ST7L: variants seen among roughly 807,000 people sequenced by gnomAD.
ST7L encodes suppression of tumorigenicity 7 like.
Under a neutral mutation model 72.5 loss-of-function variants are expected in ST7L, and 57 were observed. The ratio of observed to expected loss-of-function variants is 0.79; its 90% confidence interval spans 0.64 to 0.98. The LOEUF (loss-of-function observed/expected upper bound fraction) is 0.98, where lower values mean the gene tolerates loss of function less well. Among genes scored for constraint, ST7L ranks in the 50% least tolerant of loss-of-function variants. The probability of loss-of-function intolerance (pLI) is 0.00; values close to 1 mark genes in which losing one functional copy is unlikely to be tolerated. For synonymous variants in ST7L, 221 were observed against 240.9 expected (o/e 0.92, Z 0.77); for missense variants, 576 against 672.2 (o/e 0.86, Z 1.58).
chr1:112,582,243 A>G, intron 8 of ST7L, 132 bp downstream of exon 8: 1 of 876,254 alleles, frequency 1.1e-6, no homozygotes, highest in East Asian at 2.6e-5. Context: ...AGGTACGTAT[A>G]TTAAATAAAT....
chr1:112,536,066 T>C (rs1318976059), intron 14 of ST7L, among the ~76,000 whole-genome samples: 1 of 152,198 alleles, frequency 6.6e-6, no homozygotes, highest in Non-Finnish European at 1.5e-5. Flanking sequence ...TTATTATCTG[T>C]ATTATCTCTG....
chr1:112,597,189 A>G (rs1666612980), intron 5 of ST7L, among the ~76,000 whole-genome samples: 1 of 152,246 alleles, frequency 6.6e-6, no homozygotes, highest in Non-Finnish European at 1.5e-5. Context: ...AAAATGTTTA[A>G]TTCTATGACA....
At chr1:112,532,093 T>G (rs1654484444) in intron 14 of ST7L, among the ~76,000 whole-genome samples, 1 of 152,208 alleles carries the variant, frequency 6.6e-6, no homozygotes, top group African/African-American at 2.4e-5. Flanking sequence ...ATCCCTGGGC[T>G]CGCAATAAGG....
intron 14 of ST7L, among the ~76,000 whole-genome samples, chr1:112,537,780 G>A (rs1403800736): frequency 6.6e-6 from 1 of 152,174 alleles, no homozygotes; most frequent in East Asian, 1.9e-4. Flanking sequence ...TGTGTCTAAT[G>A]TCAGACTAGG....
At chr1:112,591,148 G>A (rs1035890725) in intron 6 of ST7L, among the ~76,000 whole-genome samples, 1 of 151,968 alleles carries the variant, frequency 6.6e-6, no homozygotes, top group African/African-American at 2.4e-5. Context: ...AGCCAGGGTG[G>A]TCTCGATCTC....
intron 6 of ST7L, among the ~76,000 whole-genome samples, chr1:112,586,918 A>G (rs1237799603): frequency 6.6e-6 from 1 of 152,228 alleles, no homozygotes; most frequent in East Asian, 1.9e-4. Context: ...CCTATTAAGT[A>G]GTCACTCCCC....
chr1:112,520,938 A>G (rs1652836952), downstream of ST7L: 2 of 176,236 alleles, frequency 1.1e-5, no homozygotes, highest in South Asian at 2.9e-4. Context: ...GATGAATGGC[A>G]TGTCCCTTCT....
intron 12 of ST7L, among the ~76,000 whole-genome samples, chr1:112,554,786 A>G (rs894755529): frequency 3.3e-5 from 5 of 152,242 alleles, no homozygotes; most frequent in Non-Finnish European, 7.3e-5. Flanking sequence ...TATACATACA[A>G]TGAATTATTC....
chr1:112,560,471 A>T (rs1226201322), intron 11 of ST7L, among the ~76,000 whole-genome samples: 2 of 152,206 alleles, frequency 1.3e-5, no homozygotes, highest in Non-Finnish European at 2.9e-5. Flanking sequence ...ATAAAAGTTG[A>T]TCCCCAAAAT....
intron 14 of ST7L, chr1:112,540,089 G>A: frequency 2.0e-6 from 2 of 985,370 alleles, no homozygotes; most frequent in Non-Finnish European, 2.4e-6. Flanking sequence ...TGCCATTAGT[G>A]ACTGCCTAGG....
At chr1:112,522,405 G>C (rs1323062193), downstream of ST7L, 1 of 152,108 alleles carries the variant, frequency 6.6e-6, no homozygotes, top group African/African-American at 2.4e-5. Context: ...GGCTGGTCTA[G>C]CCCATCATGA....
chr1:112,578,264 A>G lies in ST7L; in HGVS notation c.1142+81T>C, dbSNP rs559056467. On this transcript the variant is annotated intron_variant, in intron 10 of 14. Transcript: ENST00000358039. ...AGAAGGAAGTAGAGTGGAAAACAGC[A>G]TTGTTTAAAGTCAGTAGAGGACAAG... 114 of 1,306,422 alleles carry G rather than the reference A, an allele frequency of 8.7e-5. No individual in the cohort carries two copies. The African/African-American group carries it at 1.4e-3, about 16-fold the overall frequency. The allele number at this position is 1,306,422 out of a possible 1,614,324, so 80.9% of individuals were successfully genotyped here.
At chr1:112,585,018 T>C (rs1414310024) in intron 6 of ST7L, among the ~76,000 whole-genome samples, 1 of 152,180 alleles carries the variant, frequency 6.6e-6, no homozygotes, top group African/African-American at 2.4e-5. Context: ...ATAACTTCCC[T>C]TGTTCTGAAT....
Position 112,611,038 on chromosome 1 carries a change from C to T in ST7L, c.289-35G>A, listed in dbSNP as rs939476135. 7 of 1,603,378 alleles carry T rather than the reference C, an allele frequency of 4.4e-6. No individual in the cohort carries two copies. The Admixed American group carries it at 8.5e-5, about 19-fold the overall frequency. Reference sequence around the variant, plus strand: ...ACAGAAAATATCCTGCACTTAGAATCGATCAGCAGATACATGAGCTCAAAT... The same window carrying T: ...ACAGAAAATATCCTGCACTTAGAATTGATCAGCAGATACATGAGCTCAAAT... On this transcript the variant is annotated intron_variant, in intron 2 of 14. Coordinates refer to ENST00000358039, the MANE Select transcript of ST7L (RefSeq NM_017744.5).
intron 4 of ST7L, 115 bp downstream of exon 4, chr1:112,600,679 T>C: frequency 2.3e-6 from 2 of 853,212 alleles, no homozygotes; most frequent in South Asian, 1.6e-5. Context: ...TACTTTATCA[T>C]AGACCAGTAT....
chr1:112,567,733 C>T (rs1233400594), intron 11 of ST7L, among the ~76,000 whole-genome samples: 2 of 152,078 alleles, frequency 1.3e-5, no homozygotes, highest in African/African-American at 4.8e-5. Context: ...TGCATTGGTG[C>T]TTTTGTCAAA....
At chr1:112,550,040 A>G (rs946661159) in intron 13 of ST7L, among the ~76,000 whole-genome samples, 1 of 152,148 alleles carries the variant, frequency 6.6e-6, no homozygotes, top group Non-Finnish European at 1.5e-5. Context: ...CTTTTTCTGC[A>G]TCTACTGTGC....
downstream of ST7L, among the ~76,000 whole-genome samples, chr1:112,519,094 A>T (rs1221217641): frequency 1.3e-5 from 2 of 152,102 alleles, no homozygotes; most frequent in Admixed American, 1.3e-4. Context: ...AGGACTTAAG[A>T]CCCAGCCCTT....
intron 6 of ST7L, among the ~76,000 whole-genome samples, chr1:112,585,728 G>A (rs564886708): frequency 2.8e-4 from 39 of 137,056 alleles, no homozygotes; most frequent in Non-Finnish European, 2.2e-4. Context: ...GTGAGACTCC[G>A]TCTCAAAAAA....
Sources: gnomAD v4.1 joint callset for allele counts (sites outside exome capture counted in the v4.1 genomes callset) on GRCh38, gnomAD v4.1.1 for gene constraint, MANE v1.5 for transcripts, NCBI Gene and HGNC (gene_info 2026-07-23, HGNC 2026-07-21) for gene names.